Variants in TBL1X observed in about 807,000 individuals in gnomAD.
TBL1X encodes the protein F-box-like/WD repeat-containing protein TBL1X.
Under a neutral mutation model 50.7 loss-of-function variants are expected in TBL1X, and 10 were observed. That is an observed-to-expected ratio of 0.20 (90% CI 0.12 to 0.33). The LOEUF (loss-of-function observed/expected upper bound fraction) is 0.33. Ranked by LOEUF, TBL1X falls within the 10% of genes least tolerant of loss-of-function variation. The pLI, the probability that TBL1X is intolerant of heterozygous loss-of-function variation, is 1.00. For synonymous variants in TBL1X, 190 were observed against 214.7 expected, an observed-to-expected ratio of 0.88 and a Z score of 1.01; for missense variants, 340 against 504.4, an observed-to-expected ratio of 0.67 and a Z score of 3.12.
At chrX:9,542,644 C>G (rs2082220743) in intron 2 of TBL1X, among the ~76,000 whole-genome samples, 1 of 111,671 alleles carries the variant, frequency 9.0e-6, no homozygotes, top group Non-Finnish European at 1.9e-5. Context: ...TAACTTCTCT[C>G]AGCGCTGTTT....
At chrX:9,629,572 A>G (rs901269826) in intron 2 of TBL1X, among the ~76,000 whole-genome samples, 9 of 112,476 alleles carry the variant, frequency 8.0e-5, no homozygotes, top group Admixed American at 1.9e-4. Flanking sequence ...TTTAGTGAGT[A>G]TGCGTGTGTT....
chrX:9,471,730 T>C (rs185662116), intron 1 of TBL1X, among the ~76,000 whole-genome samples: 20 of 111,662 alleles, frequency 1.8e-4, no homozygotes, highest in African/African-American at 6.5e-4. Context: ...GCACAAACAA[T>C]GCTCACGGCA....
At chrX:9,697,460 G>GT (rs749586478) in intron 12 of TBL1X, 31 bp downstream of exon 12, 11 of 1,204,116 alleles carry the variant, frequency 9.1e-6, no homozygotes, top group Non-Finnish European at 1.2e-5. Flanking sequence ...GTTGTTGTTT[G>GT]TTTTTTTGTA....
At chrX:9,687,933 G>C in intron 6 of TBL1X, 84 bp from the exon 7 acceptor site, 1 of 1,135,807 alleles carries the variant, frequency 8.8e-7, no homozygotes, top group South Asian at 2.2e-5. Flanking sequence ...ACTTCCCTGC[G>C]CTTCTCCTGC....
chrX:9,480,287 G>A (rs1269894340), intron 1 of TBL1X, among the ~76,000 whole-genome samples: 1 of 112,015 alleles, frequency 8.9e-6, no homozygotes, highest in African/African-American at 3.2e-5. Flanking sequence ...GAGGCTATAA[G>A]AAAGCATGGG....
intron 2 of TBL1X, among the ~76,000 whole-genome samples, chrX:9,526,426 T>G (rs1235231655): frequency 5.4e-5 from 6 of 111,834 alleles, no homozygotes; most frequent in Non-Finnish European, 9.4e-5. Context: ...ACTGGAGTGT[T>G]AAGTTGAGAG....
intron 15 of TBL1X, 81 bp downstream of exon 15, chrX:9,709,841 G>T (rs367941710): frequency 2.7e-6 from 3 of 1,129,040 alleles, no homozygotes; most frequent in Non-Finnish European, 3.6e-6. Flanking sequence ...GTCCATGCAC[G>T]TGTGTTGAAG....
At chrX:9,524,668 A>G (rs1383264055) in intron 2 of TBL1X, among the ~76,000 whole-genome samples, 2 of 112,502 alleles carry the variant, frequency 1.8e-5, no homozygotes, top group Non-Finnish European at 3.8e-5. Flanking sequence ...TGTTGTGAAT[A>G]ATGCTGCTAC....
chrX:9,665,537 AT>A (rs1156696618), intron 5 of TBL1X, among the ~76,000 whole-genome samples: 6 of 63,437 alleles, frequency 9.5e-5, no homozygotes, highest in East Asian at 1.3e-3. Flanking sequence ...ATATATATAT[AT>A]AAAAGGCCTT....
intron 2 of TBL1X, among the ~76,000 whole-genome samples, chrX:9,629,066 ATCT>A (rs2082707291): frequency 8.9e-6 from 1 of 111,961 alleles, no homozygotes; most frequent in African/African-American, 3.2e-5. Flanking sequence ...TGGAATACGG[ATCT>A]TCTTCTTCTG....
chrX:9,619,275 T>TTGTG (rs1156896746), intron 2 of TBL1X, among the ~76,000 whole-genome samples: 1 of 111,936 alleles, frequency 8.9e-6, no homozygotes, highest in Non-Finnish European at 1.9e-5. Flanking sequence ...ATGTCTTACT[T>TTGTG]TGTGTTTGTT....
At chrX:9,651,717 C>T (rs2082836762) in intron 3 of TBL1X, among the ~76,000 whole-genome samples, 1 of 112,596 alleles carries the variant, frequency 8.9e-6, no homozygotes, top group African/African-American at 3.2e-5. Context: ...AGTTCAAGCA[C>T]AAATCCTAGG....
intron 2 of TBL1X, among the ~76,000 whole-genome samples, chrX:9,534,569 T>A (rs910909809): frequency 1.2e-4 from 13 of 107,817 alleles, no homozygotes; most frequent in African/African-American, 3.4e-4. Flanking sequence ...TACCCTAATT[T>A]AAAAAAAAAA....
At chrX:9,574,446 C>A (rs1490515496) in intron 2 of TBL1X, among the ~76,000 whole-genome samples, 2 of 91,335 alleles carry the variant, frequency 2.2e-5, no homozygotes, top group East Asian at 6.5e-4. Context: ...CAGAGTGAGA[C>A]CCTGTCTCAA....
chrX:9,676,931 TC>T (rs966093364), intron 5 of TBL1X, among the ~76,000 whole-genome samples: 1 of 112,052 alleles, frequency 8.9e-6, no homozygotes. Flanking sequence ...GTGAGACTAA[TC>T]CATCATTGTT....
intron 2 of TBL1X, among the ~76,000 whole-genome samples, chrX:9,607,148 C>T (rs1258961946): frequency 8.9e-6 from 1 of 112,054 alleles, no homozygotes; most frequent in African/African-American, 3.2e-5. Context: ...TGTGCCAGGC[C>T]CTGGGCCCTG....
At chrX:9,698,331 G>C (rs2083145721) in intron 12 of TBL1X, among the ~76,000 whole-genome samples, 1 of 111,126 alleles carries the variant, frequency 9.0e-6, no homozygotes, top group Non-Finnish European at 1.9e-5. Context: ...CCCAGGATTG[G>C]TGGTTTGCTG....
intron 6 of TBL1X, among the ~76,000 whole-genome samples, chrX:9,686,256 G>A (rs969209778): frequency 3.2e-4 from 36 of 111,525 alleles, no homozygotes; most frequent in Admixed American, 4.8e-4. Flanking sequence ...ATCTCAAGGC[G>A]CCTGTGACTC....
At chrX:9,472,910 C>T (rs767595298) in intron 1 of TBL1X, among the ~76,000 whole-genome samples, 1 of 106,085 alleles carries the variant, frequency 9.4e-6, no homozygotes, top group African/African-American at 3.5e-5. Context: ...AAGACTCCGT[C>T]TCAAAAAAAA....
Sources: allele counts gnomAD v4.1 joint callset (sites outside exome capture counted in the v4.1 genomes callset), GRCh38; gene constraint gnomAD v4.1.1; transcripts MANE v1.5; gene names NCBI Gene and HGNC (gene_info 2026-07-23, HGNC 2026-07-21).